DSCAM: variants seen among roughly 807,000 people sequenced by gnomAD.
DSCAM encodes DS cell adhesion molecule.
Under a neutral mutation model 217.7 loss-of-function variants are expected in DSCAM, and 47 were observed. That is an observed-to-expected ratio of 0.22 (90% CI 0.17 to 0.28). The LOEUF is 0.28. Among genes scored for constraint, DSCAM ranks in the 10% least tolerant of loss-of-function variants. The probability of loss-of-function intolerance (pLI) is 1.00; values close to 1 mark genes in which losing one functional copy is unlikely to be tolerated. For synonymous variants in DSCAM, 1,056 were observed against 1,015.3 expected (o/e 1.04, Z -0.76); for missense variants, 2,080 against 2,618.3 (o/e 0.79, Z 4.49).
chr21:40,531,499 G>A (rs16999915), intron 3 of DSCAM, among the ~76,000 whole-genome samples: 24,223 of 152,194 alleles, frequency 0.16, 2,143 homozygotes, highest in Middle Eastern at 0.22. Context: ...CAGGGACCAC[G>A]TCAGTATTTC....
At chr21:40,451,161 T>G (rs565865539) in intron 3 of DSCAM, among the ~76,000 whole-genome samples, 83 of 152,280 alleles carry the variant, frequency 5.5e-4, no homozygotes, top group African/African-American at 1.9e-3. Context: ...CCACTGGAAT[T>G]TGGATCGCCT....
intron 1 of DSCAM, among the ~76,000 whole-genome samples, chr21:40,788,942 TG>T (rs774300480): frequency 5.9e-5 from 9 of 152,210 alleles, no homozygotes; most frequent in Non-Finnish European, 1.3e-4. Flanking sequence ...TTAAAAGAAC[TG>T]TTTTCTGCTT....
intron 31 of DSCAM, among the ~76,000 whole-genome samples, chr21:40,042,957 A>G (rs761282515): frequency 3.9e-5 from 6 of 152,174 alleles, no homozygotes; most frequent in East Asian, 1.9e-4. Flanking sequence ...TTTAAAAAAA[A>G]TCCTGCTTTT....
intron 1 of DSCAM, among the ~76,000 whole-genome samples, chr21:40,749,828 T>C (rs141257110): frequency 3.3e-5 from 5 of 152,184 alleles, no homozygotes; most frequent in African/African-American, 1.2e-4. Flanking sequence ...GACTTAAATG[T>C]GCACCTACAG....
intron 3 of DSCAM, among the ~76,000 whole-genome samples, chr21:40,567,134 G>A (rs2076770804): frequency 6.6e-6 from 1 of 152,128 alleles, no homozygotes. Context: ...AATCAGGCTG[G>A]ATTACATATG....
chr21:40,376,687 T>TAG (rs1569093287), intron 3 of DSCAM, among the ~76,000 whole-genome samples: 5 of 78,958 alleles, frequency 6.3e-5, no homozygotes, highest in African/African-American at 2.3e-4. Context: ...ATATATCATA[T>TAG]ATATCATATA....
At chr21:40,461,711 C>A (rs577761802) in intron 3 of DSCAM, among the ~76,000 whole-genome samples, 1 of 152,156 alleles carries the variant, frequency 6.6e-6, no homozygotes, top group Non-Finnish European at 1.5e-5. Flanking sequence ...GGATTATCCA[C>A]GTGGGTCCAA....
At chr21:40,473,599 T>G (rs963271575) in intron 3 of DSCAM, among the ~76,000 whole-genome samples, 2 of 152,210 alleles carry the variant, frequency 1.3e-5, no homozygotes, top group Non-Finnish European at 1.5e-5. Flanking sequence ...AGAATGTGCA[T>G]ATACAACTAT....
chr21:40,787,539 C>T (rs995479258), intron 1 of DSCAM, among the ~76,000 whole-genome samples: 1 of 152,250 alleles, frequency 6.6e-6, no homozygotes, highest in Non-Finnish European at 1.5e-5. Flanking sequence ...TACAATTGAA[C>T]AGTGGTTCAT....
intron 1 of DSCAM, among the ~76,000 whole-genome samples, chr21:40,780,425 A>ATATATATATATATATATG (rs1555888059): frequency 2.0e-4 from 12 of 61,286 alleles, no homozygotes; most frequent in African/African-American, 1.1e-3. Flanking sequence ...GTGTGTGTGT[A>ATATATATATATATATATG]TATATATATA....
At chr21:40,065,535 T>C (rs968855166) in intron 27 of DSCAM, among the ~76,000 whole-genome samples, 1 of 152,170 alleles carries the variant, frequency 6.6e-6, no homozygotes, top group African/African-American at 2.4e-5. Flanking sequence ...CCTTTCACAA[T>C]GTCTTACACA....
chr21:40,625,736 C>A (rs950458930), intron 3 of DSCAM, among the ~76,000 whole-genome samples: 20 of 152,290 alleles, frequency 1.3e-4, no homozygotes, highest in African/African-American at 4.8e-4. Context: ...ACTCACTGGG[C>A]AAACATGCTC....
intron 20 of DSCAM, among the ~76,000 whole-genome samples, chr21:40,116,707 AAAG>A (rs1173162433): frequency 2.0e-5 from 3 of 151,934 alleles, no homozygotes; most frequent in Non-Finnish European, 4.4e-5. Context: ...AAAAAAAAAA[AAAG>A]AGAGAGATTC....
intron 1 of DSCAM, among the ~76,000 whole-genome samples, chr21:40,746,537 C>G (rs149483515): frequency 1.3e-5 from 2 of 151,840 alleles, no homozygotes; most frequent in Admixed American, 1.3e-4. Context: ...AACTGGGACT[C>G]TCAATATTTG....
rs1300492317 is a variant in DSCAM, at chr21:40,023,006, G to A, written c.5687-9620C>T. On this transcript the variant is annotated intron_variant, in intron 32 of 32. Coordinates refer to ENST00000400454, the MANE Select transcript of DSCAM (RefSeq NM_001389.5). ...CATCTAGCATTAGGTATATCTCCCA[G>A]TGCTATCCCTCTCCCCTCCCCCCAC... Among the ~76,000 whole-genome samples the A allele has an allele frequency of 2.0e-5, 3 of 151,502 alleles. No individual in the cohort carries two copies. In the East Asian group the frequency reaches 5.8e-4, roughly 29 times the overall value.
At chr21:40,326,220 A>G (rs1054198595) in intron 8 of DSCAM, among the ~76,000 whole-genome samples, 5 of 152,230 alleles carry the variant, frequency 3.3e-5, no homozygotes, top group Non-Finnish European at 5.9e-5. Context: ...GGTGTCAGCC[A>G]AAAGTTGACA....
intron 8 of DSCAM, among the ~76,000 whole-genome samples, chr21:40,321,851 G>C (rs2074263324): frequency 6.6e-6 from 1 of 151,964 alleles, no homozygotes; most frequent in Non-Finnish European, 1.5e-5. Flanking sequence ...AACTGCACCT[G>C]ACCCACCTCT....
At chr21:40,352,316 T>C (rs1171931338) in intron 5 of DSCAM, among the ~76,000 whole-genome samples, 1 of 152,228 alleles carries the variant, frequency 6.6e-6, no homozygotes, top group African/African-American at 2.4e-5. Flanking sequence ...TAATTCTTAC[T>C]GGCTGTCCAA....
intron 3 of DSCAM, among the ~76,000 whole-genome samples, chr21:40,636,365 T>G (rs1456923407): frequency 2.0e-5 from 3 of 151,448 alleles, no homozygotes; most frequent in African/African-American, 4.9e-5. Context: ...AGGTTAAATA[T>G]TAGAGAGAGA....
Sources: allele counts gnomAD v4.1 joint callset (sites outside exome capture counted in the v4.1 genomes callset), GRCh38; gene constraint gnomAD v4.1.1; transcripts MANE v1.5; gene names NCBI Gene and HGNC (gene_info 2026-07-23, HGNC 2026-07-21).